WDFY4: variants seen among roughly 807,000 people sequenced by gnomAD.
WDFY4 encodes the protein WD repeat- and FYVE domain-containing protein 4.
A neutral mutation model predicts 351.9 loss-of-function variants in WDFY4; 169 were observed. The observed-to-expected ratio is 0.48, with a 90% CI of 0.42 to 0.55. The LOEUF (loss-of-function observed/expected upper bound fraction) is 0.55, where lower values mean the gene tolerates loss of function less well. WDFY4 is among the 20% of genes least tolerant of loss of function. The pLI is 0.00. For synonymous variants in WDFY4, 1,622 were observed against 1,574.6 expected (o/e 1.03, Z -0.71); for missense variants, 3,803 against 3,935.6 (o/e 0.97, Z 0.90).
intron 48 of WDFY4, 54 bp downstream of exon 48, chr10:48,941,902 C>T (rs867454044): frequency 6.6e-7 from 1 of 1,520,956 alleles, no homozygotes; most frequent in Middle Eastern, 1.7e-4. Flanking sequence ...CAGAGAATGG[C>T]TCAGGCCCCA....
chr10:48,791,945 C>A (rs1266695404), intron 23 of WDFY4, among the ~76,000 whole-genome samples: 1 of 152,188 alleles, frequency 6.6e-6, no homozygotes, highest in Non-Finnish European at 1.5e-5. Flanking sequence ...CAGCTGTAGC[C>A]CACATCACAT....
At chr10:48,706,114 G>T (rs1305289139) in intron 1 of WDFY4, among the ~76,000 whole-genome samples, 1 of 152,184 alleles carries the variant, frequency 6.6e-6, no homozygotes, top group Non-Finnish European at 1.5e-5. Context: ...AAATGAACTT[G>T]TTCCAAAGAG....
chr10:48,814,862 C>T (rs534395086), intron 31 of WDFY4, among the ~76,000 whole-genome samples: 10 of 152,326 alleles, frequency 6.6e-5, no homozygotes, highest in African/African-American at 2.2e-4. Context: ...CTCCAAGATT[C>T]GACCATATCC....
At chr10:48,928,837 C>T (rs1439758988) in intron 47 of WDFY4, among the ~76,000 whole-genome samples, 1 of 152,206 alleles carries the variant, frequency 6.6e-6, no homozygotes, top group African/African-American at 2.4e-5. Flanking sequence ...TCTAAGGACA[C>T]AGCTGAACTT....
At chr10:48,715,686 C>T (rs2063884792) in intron 2 of WDFY4, among the ~76,000 whole-genome samples, 1 of 152,066 alleles carries the variant, frequency 6.6e-6, no homozygotes, top group African/African-American at 2.4e-5. Context: ...AGTGCAGTGG[C>T]CCGATCTCGG....
intron 47 of WDFY4, among the ~76,000 whole-genome samples, chr10:48,903,200 A>T (rs940795557): frequency 6.6e-6 from 1 of 152,196 alleles, no homozygotes; most frequent in South Asian, 2.1e-4. Flanking sequence ...AGGCTTATCA[A>T]ATTGGAGTGC....
At chr10:48,820,902 C>G (rs1319537376) in intron 33 of WDFY4, among the ~76,000 whole-genome samples, 160 bp from the exon 34 acceptor site, 15 of 152,044 alleles carry the variant, frequency 9.9e-5, no homozygotes, top group Admixed American at 9.8e-4. Context: ...TGAGGCAGCT[C>G]AGTCACAGAG....
chr10:48,906,094 A>G (rs1220060749), intron 47 of WDFY4, among the ~76,000 whole-genome samples: 1 of 152,212 alleles, frequency 6.6e-6, no homozygotes, highest in Non-Finnish European at 1.5e-5. Flanking sequence ...CACTGGAGGC[A>G]ATAATCATAG....
At chr10:48,814,359 A>C (rs1342319538) in intron 31 of WDFY4, among the ~76,000 whole-genome samples, 1 of 152,204 alleles carries the variant, frequency 6.6e-6, no homozygotes. Flanking sequence ...GCCTTCAGTC[A>C]AAGGGAACAT....
At chr10:48,826,350 T>C (rs548419513) in intron 35 of WDFY4, among the ~76,000 whole-genome samples, 32 of 152,194 alleles carry the variant, frequency 2.1e-4, no homozygotes, top group Non-Finnish European at 4.4e-4. Flanking sequence ...ACAAAAACAG[T>C]ACACTGTTTG....
chr10:48,721,188 G>C, intron 3 of WDFY4, 73 bp from the exon 4 acceptor site: 2 of 1,421,538 alleles, frequency 1.4e-6, no homozygotes, highest in South Asian at 2.5e-5. Flanking sequence ...CTCCTGGGAA[G>C]AGGGGGCCCT....
At chr10:48,830,504 G>A (rs962049818) in intron 37 of WDFY4, among the ~76,000 whole-genome samples, 196 bp from the exon 38 acceptor site, 12 of 152,176 alleles carry the variant, frequency 7.9e-5, no homozygotes, top group Admixed American at 1.3e-4. Flanking sequence ...GCTTGCATGG[G>A]TGTTGGTGGC....
chr10:48,715,219 C>T (rs182294509), intron 2 of WDFY4, among the ~76,000 whole-genome samples: 2 of 152,344 alleles, frequency 1.3e-5, no homozygotes, highest in South Asian at 2.1e-4. Flanking sequence ...GCTGCCCTAG[C>T]AGAATGGAGC....
intron 47 of WDFY4, among the ~76,000 whole-genome samples, chr10:48,926,951 C>G (rs1449561927): frequency 6.6e-6 from 1 of 152,186 alleles, no homozygotes; most frequent in Non-Finnish European, 1.5e-5. Flanking sequence ...GAGTGTGAGT[C>G]AAGAGTGTGA....
At chr10:48,970,933 G>A (rs918868062) in intron 57 of WDFY4, among the ~76,000 whole-genome samples, 16 of 152,120 alleles carry the variant, frequency 1.1e-4, no homozygotes, top group Non-Finnish European at 2.2e-4. Flanking sequence ...GGCACTTAAC[G>A]TTTGCTTAAC....
intron 12 of WDFY4, among the ~76,000 whole-genome samples, chr10:48,750,313 C>A (rs1362652242): frequency 6.6e-6 from 1 of 152,224 alleles, no homozygotes; most frequent in Non-Finnish European, 1.5e-5. Flanking sequence ...CAGTGCTTTC[C>A]CATGATTCCC....
intron 11 of WDFY4, among the ~76,000 whole-genome samples, chr10:48,740,282 T>C (rs1340720111): frequency 1.3e-5 from 2 of 152,254 alleles, no homozygotes; most frequent in Non-Finnish European, 2.9e-5. Flanking sequence ...GAACAGCCTT[T>C]GGTATGGTTT....
chr10:48,917,076 T>G (rs1838618166), intron 47 of WDFY4, among the ~76,000 whole-genome samples: 1 of 152,236 alleles, frequency 6.6e-6, no homozygotes, highest in Non-Finnish European at 1.5e-5. Flanking sequence ...TACAGTAACA[T>G]GCTGTACAGG....
intron 1 of WDFY4, among the ~76,000 whole-genome samples, chr10:48,687,609 T>A (rs2063084271): frequency 8.5e-6 from 1 of 117,178 alleles, no homozygotes; most frequent in Non-Finnish European, 1.7e-5. Flanking sequence ...TAATAGGCCA[T>A]TCTTTTTTTT....
Sources: gnomAD v4.1 joint callset for allele counts (sites outside exome capture counted in the v4.1 genomes callset) on GRCh38, gnomAD v4.1.1 for gene constraint, MANE v1.5 for transcripts, NCBI Gene and HGNC (gene_info 2026-07-23, HGNC 2026-07-21) for gene names.